Variants in TYR observed in about 807,000 individuals in gnomAD.
TYR encodes LB24-AB.
In TYR, 58 loss-of-function variants were observed where a neutral mutation model predicts 51.5. The observed-to-expected ratio is 1.13, with a 90% CI of 0.91 to 1.40. The LOEUF (loss-of-function observed/expected upper bound fraction) is 1.40, where lower values mean the gene tolerates loss of function less well. Among genes scored for constraint, TYR ranks in the 40% most tolerant of loss-of-function variants. The pLI, the probability that TYR is intolerant of heterozygous loss-of-function variation, is 0.00. For missense variants in TYR, 732 were observed against 647.4 expected (o/e 1.13, Z -1.42); for synonymous variants, 263 against 235.2 (o/e 1.12, Z -1.08).
intron 3 of TYR, among the ~76,000 whole-genome samples, chr11:89,246,915 A>C (rs1944274188): frequency 6.6e-6 from 1 of 152,166 alleles, no homozygotes; most frequent in Non-Finnish European, 1.5e-5. Flanking sequence ...TTATGGGGGT[A>C]GGTAAGCTTG....
intron 3 of TYR, among the ~76,000 whole-genome samples, chr11:89,266,030 T>C (rs1048518256): frequency 1.3e-5 from 2 of 152,036 alleles, no homozygotes; most frequent in Non-Finnish European, 2.9e-5. Context: ...GTCTGTTTTT[T>C]AGCATTTGAT....
intron 1 of TYR, among the ~76,000 whole-genome samples, chr11:89,182,748 A>G (rs575508355): frequency 6.6e-6 from 1 of 152,286 alleles, no homozygotes; most frequent in Admixed American, 6.5e-5. Context: ...GCTTAATAAC[A>G]TTTAAGTACA....
At chr11:89,232,256 GT>G (rs1944059942) in intron 3 of TYR, among the ~76,000 whole-genome samples, 1 of 143,234 alleles carries the variant, frequency 7.0e-6, no homozygotes, top group African/African-American at 2.8e-5. Flanking sequence ...GAGACACAAA[GT>G]TTTGGGTTTC....
At chr11:89,250,675 G>C (rs1174763814) in intron 3 of TYR, among the ~76,000 whole-genome samples, 1 of 151,772 alleles carries the variant, frequency 6.6e-6, no homozygotes, top group Non-Finnish European at 1.5e-5. Flanking sequence ...TGTCTTCATA[G>C]GGTCTTCCCT....
At chr11:89,224,914 CA>C (rs1425975278) in intron 2 of TYR, among the ~76,000 whole-genome samples, 2 of 136,094 alleles carry the variant, frequency 1.5e-5, no homozygotes, top group Admixed American at 7.2e-5. Flanking sequence ...GTTGATGGAT[CA>C]AATTGTAAAA....
At chr11:89,218,160 A>G (rs911509062) in intron 2 of TYR, among the ~76,000 whole-genome samples, 3 of 152,174 alleles carry the variant, frequency 2.0e-5, no homozygotes, top group Non-Finnish European at 2.9e-5. Flanking sequence ...GTTAAATTCA[A>G]AGCCATCGTC....
At chr11:89,246,141 G>T (rs959163936) in intron 3 of TYR, among the ~76,000 whole-genome samples, 8 of 139,954 alleles carry the variant, frequency 5.7e-5, no homozygotes, top group African/African-American at 2.0e-4. Flanking sequence ...GGTATAAAAG[G>T]CAGGACATGA....
chr11:89,256,952 G>A (rs1944399895), intron 3 of TYR, among the ~76,000 whole-genome samples: 1 of 151,892 alleles, frequency 6.6e-6, no homozygotes, highest in African/African-American at 2.4e-5. Flanking sequence ...GGATGTAGGG[G>A]TGTGAGGGAA....
chr11:89,241,752 T>C (rs942779019), intron 3 of TYR, among the ~76,000 whole-genome samples: 2 of 147,956 alleles, frequency 1.4e-5, no homozygotes, highest in Non-Finnish European at 3.0e-5. Context: ...TATATTAATA[T>C]ATTTTATATT....
intron 2 of TYR, among the ~76,000 whole-genome samples, chr11:89,197,594 TATG>T: frequency 6.6e-6 from 1 of 152,118 alleles, no homozygotes; most frequent in East Asian, 1.9e-4. Flanking sequence ...CTTCAAAAGA[TATG>T]ATGTTAGTGG....
At chr11:89,228,022 G>T (rs1325368397) in intron 3 of TYR, 52 bp downstream of exon 3, 4 of 1,592,876 alleles carry the variant, frequency 2.5e-6, no homozygotes, top group Admixed American at 3.3e-5. Context: ...TAAATAGAGG[G>T]TGCCTATCAA....
chr11:89,191,250 A>G lies in TYR; in HGVS notation c.868A>G (p.Asn290Asp). 6.2e-7 allele frequency: 1 copy of G among 1,613,582 alleles called. No individual in the cohort carries two copies. Among genetic ancestry groups the G allele is most frequent in the Non-Finnish European group, 8.5e-7 (1 of 1,179,722 alleles). Reference protein sequence around the residue: ...EEYNSHQSLCNGTPEGPLRRN... With the variant: ...EEYNSHQSLCDGTPEGPLRRN... Reference sequence around the variant, plus strand: ...GTACAACAGCCATCAGTCTTTATGCAATGGAACGCCCGAGGGACCTTTACG... The same window carrying G: ...GTACAACAGCCATCAGTCTTTATGCGATGGAACGCCCGAGGGACCTTTACG... Residue 290 changes from asparagine (N) to aspartate (D), a missense_variant, in exon 2 of 5, where the codon AAT becomes GAT. Physicochemically the swap from Asn to Asp is conservative, Grantham distance 23 (BLOSUM62 1). Coordinates refer to ENST00000263321, the MANE Select transcript of TYR (RefSeq NM_000372.5).
In TYR at chr11:89,227,918, C is replaced by T. The variant is rs61754390; in HGVS notation, c.1132C>T (p.Gln378Ter). Residue 378 changes from glutamine to a stop codon, truncating the protein, a stop_gained, in exon 3 of 5, where the codon CAG (glutamine) becomes TAG (stop). Coordinates refer to ENST00000263321, the MANE Select transcript of TYR (RefSeq NM_000372.5). LOFTEE classifies it high-confidence loss of function. ...IYMNGTMSQVQGSANDPIFLL... is the reference protein window; with the variant it reads ...IYMNGTMSQV The stretch of plus-strand genomic sequence containing the variant: ...TATGAATGGAACAATGTCCCAGGTA[C>T]AGGGATCTGCCAACGATCCTATCTT... The T allele has an allele frequency of 1.2e-6, 2 of 1,613,448 alleles. No homozygotes were observed. Among genetic ancestry groups the T allele is most frequent in the African/African-American group, 1.3e-5 (1 of 74,846 alleles).
intron 3 of TYR, among the ~76,000 whole-genome samples, chr11:89,255,628 C>G (rs1343336363): frequency 1.3e-5 from 2 of 151,600 alleles, no homozygotes; most frequent in Non-Finnish European, 3.0e-5. Flanking sequence ...CTTGAATGAA[C>G]ATTAGTAGTT....
intron 2 of TYR, among the ~76,000 whole-genome samples, chr11:89,227,345 TG>T (rs1943988893): frequency 6.6e-6 from 1 of 152,136 alleles, no homozygotes; most frequent in Admixed American, 6.6e-5. Context: ...AAAGAGGAAT[TG>T]AAATGTGAAG....
chr11:89,234,974 TAA>T (rs533895496), intron 3 of TYR, among the ~76,000 whole-genome samples: 1 of 135,816 alleles, frequency 7.4e-6, no homozygotes, highest in African/African-American at 2.7e-5. Flanking sequence ...CTTCAATTTG[TAA>T]AAAAAAAAAA....
chr11:89,294,704 G>A (rs1288812789), intron 4 of TYR, among the ~76,000 whole-genome samples: 1 of 152,212 alleles, frequency 6.6e-6, no homozygotes, highest in African/African-American at 2.4e-5. Context: ...AGGCTACTAA[G>A]ATTGCTGAGC....
intron 3 of TYR, among the ~76,000 whole-genome samples, chr11:89,265,211 G>A (rs1262376883): frequency 6.6e-6 from 1 of 152,060 alleles, no homozygotes; most frequent in South Asian, 2.1e-4. Flanking sequence ...GGATATGGGA[G>A]ATAAAAACAA....
chr11:89,207,865 A>T (rs181779446), intron 2 of TYR, among the ~76,000 whole-genome samples: 1 of 152,332 alleles, frequency 6.6e-6, no homozygotes, highest in Admixed American at 6.5e-5. Context: ...CTACTATATT[A>T]CATAATATTT....
Sources: allele counts gnomAD v4.1 joint callset (sites outside exome capture counted in the v4.1 genomes callset), GRCh38; gene constraint gnomAD v4.1.1; transcripts MANE v1.5; gene names NCBI Gene and HGNC (gene_info 2026-07-23, HGNC 2026-07-21).